The following JARID2 variants were observed in gnomAD, a reference collection of about 807,000 sequenced individuals.
JARID2 encodes protein Jumonji.
In JARID2, 21 loss-of-function variants were observed where a neutral mutation model predicts 125.6. The ratio of observed to expected loss-of-function variants is 0.17; its 90% CI spans 0.12 to 0.24. The LOEUF (loss-of-function observed/expected upper bound fraction) is 0.24, where lower values mean the gene tolerates loss of function less well. JARID2 is among the 10% of genes least tolerant of loss of function. The pLI is 1.00. For synonymous variants in JARID2, 736 were observed against 661.6 expected (o/e 1.11, Z -1.73); for missense variants, 1,303 against 1,639.6 (o/e 0.79, Z 3.55).
chr6:15,416,687 G>GGA (rs1766238777), intron 3 of JARID2, among the ~76,000 whole-genome samples: 1 of 140,790 alleles, frequency 7.1e-6, no homozygotes, highest in Non-Finnish European at 1.5e-5. Context: ...GGAAAGAGAG[G>GGA]GAGAGGGAGA....
chr6:15,487,429 G>C lies in JARID2; in HGVS notation c.793G>C (p.Ala265Pro), dbSNP rs768346575. The C allele has an allele frequency of 6.2e-6, 10 of 1,614,126 alleles. No homozygotes were observed. In the Admixed American group the frequency reaches 1.2e-4, roughly 19 times the overall value. Residue 265 changes from alanine (A) to proline (P), a missense_variant, in exon 6 of 18, where the codon GCT becomes CCT. Around this residue, in one of 11 missense-constraint regions of JARID2, gnomAD observed 651 missense variants for 581.6 expected, o/e 1.12. Transcript: ENST00000341776. ...DHRADSRREQ[A>P]SANHPAAAPS... ...CCGGGCTGACAGCCGCCGGGAGCAG[G>C]CTTCAGCTAACCACCCCGCAGCGGC...
At chr6:15,422,539 G>C (rs529365842) in intron 3 of JARID2, among the ~76,000 whole-genome samples, 3 of 152,188 alleles carry the variant, frequency 2.0e-5, no homozygotes, top group Non-Finnish European at 4.4e-5. Flanking sequence ...GGCTGCACAT[G>C]CTGCTCATCG....
At chr6:15,361,251 T>G (rs552793399) in intron 1 of JARID2, among the ~76,000 whole-genome samples, 25 of 152,280 alleles carry the variant, frequency 1.6e-4, no homozygotes, top group African/African-American at 4.6e-4. Context: ...ACCCTGGTCC[T>G]CATCTCTTGT....
At chr6:15,255,650 C>T (rs1011609304) in intron 1 of JARID2, among the ~76,000 whole-genome samples, 10 of 152,072 alleles carry the variant, frequency 6.6e-5, no homozygotes, top group South Asian at 2.1e-4. Flanking sequence ...GGTTCTCTCT[C>T]GGTTTCAGCC....
chr6:15,298,418 G>T (rs1489586775), intron 1 of JARID2, among the ~76,000 whole-genome samples: 2 of 152,072 alleles, frequency 1.3e-5, no homozygotes, highest in South Asian at 2.1e-4. Flanking sequence ...GGGCTCGGTG[G>T]TTCACGCCTG....
intron 3 of JARID2, among the ~76,000 whole-genome samples, chr6:15,419,459 C>A (rs1045166612): frequency 1.3e-5 from 2 of 152,098 alleles, no homozygotes; most frequent in African/African-American, 4.8e-5. Context: ...ATTTTTGTTT[C>A]TAGTATCATT....
chr6:15,252,239 C>T (rs1410401840), intron 1 of JARID2, among the ~76,000 whole-genome samples: 2 of 152,076 alleles, frequency 1.3e-5, no homozygotes, highest in East Asian at 1.9e-4. Flanking sequence ...AGACCCATGG[C>T]CTCATATCAA....
intron 2 of JARID2, among the ~76,000 whole-genome samples, chr6:15,387,907 C>G (rs1011886097): frequency 2.6e-5 from 4 of 152,126 alleles, no homozygotes; most frequent in African/African-American, 9.7e-5. Context: ...ATCTGTTTAA[C>G]AGTAATTCAT....
At chr6:15,282,473 T>A (rs1286906200) in intron 1 of JARID2, among the ~76,000 whole-genome samples, 2 of 152,204 alleles carry the variant, frequency 1.3e-5, no homozygotes, top group Non-Finnish European at 2.9e-5. Flanking sequence ...TTTTTTTTCT[T>A]CATAACTTTT....
chr6:15,259,238 C>CA (rs1759782243), intron 1 of JARID2, among the ~76,000 whole-genome samples: 6 of 152,232 alleles, frequency 3.9e-5, no homozygotes. Context: ...TGGAACCTAA[C>CA]ACTTGGTTTT....
chr6:15,316,329 C>T (rs973007682), intron 1 of JARID2, among the ~76,000 whole-genome samples: 1 of 152,098 alleles, frequency 6.6e-6, no homozygotes, highest in Admixed American at 6.6e-5. Flanking sequence ...TCCACCTCGG[C>T]CACCCAAAGT....
chr6:15,291,133 C>T (rs1362258271), intron 1 of JARID2, among the ~76,000 whole-genome samples: 3 of 152,032 alleles, frequency 2.0e-5, no homozygotes, highest in Non-Finnish European at 4.4e-5. Context: ...TTACTCAGGA[C>T]GTTGCGGTGG....
chr6:15,337,298 C>A (rs1299980689), intron 1 of JARID2, among the ~76,000 whole-genome samples: 3 of 152,202 alleles, frequency 2.0e-5, no homozygotes, highest in Non-Finnish European at 2.9e-5. Flanking sequence ...GTAAAATGAG[C>A]ATTAGGCTCA....
At chr6:15,284,801 C>A (rs954576082) in intron 1 of JARID2, among the ~76,000 whole-genome samples, 1 of 152,000 alleles carries the variant, frequency 6.6e-6, no homozygotes, top group African/African-American at 2.4e-5. Flanking sequence ...TATAATCCTT[C>A]ATAAGAAAGG....
intron 2 of JARID2, among the ~76,000 whole-genome samples, chr6:15,397,399 C>T (rs921535286): frequency 2.0e-5 from 3 of 152,152 alleles, no homozygotes; most frequent in African/African-American, 2.4e-5. Context: ...TTCTATCATA[C>T]GACAATCCAC....
intron 3 of JARID2, among the ~76,000 whole-genome samples, chr6:15,438,747 G>A (rs1233712179): frequency 6.6e-6 from 1 of 152,104 alleles, no homozygotes; most frequent in Non-Finnish European, 1.5e-5. Context: ...CCCTTACTGT[G>A]GCCATGCTCG....
At chr6:15,509,778 G>T (rs528632327) in intron 12 of JARID2, among the ~76,000 whole-genome samples, 2 of 152,304 alleles carry the variant, frequency 1.3e-5, no homozygotes, top group Admixed American at 1.3e-4. Context: ...TTTGCTTATG[G>T]CTTGACGTTG....
chr6:15,357,313 CAAATA>C (rs1763636737), intron 1 of JARID2, among the ~76,000 whole-genome samples: 1 of 152,186 alleles, frequency 6.6e-6, no homozygotes, highest in Non-Finnish European at 1.5e-5. Context: ...AACTTTGGAT[CAAATA>C]AAATACAGTA....
At position 15,520,553 on chromosome 6, in the gene JARID2, G is replaced by GT; in HGVS notation, c.*302_*303insT. On this transcript the variant is annotated 3_prime_UTR_variant, in exon 18 of 18. Transcript: ENST00000341776. ...GACAAAAGCCTTTTTTTTTGGTTTT[G>GT]ATTTTTTTTTTTTTGTAACTGTTGG... The GT allele has an allele frequency of 3.2e-6, 1 of 308,074 alleles. No homozygotes were observed. Among genetic ancestry groups the GT allele is most frequent in the Non-Finnish European group, 6.2e-6 (1 of 160,384 alleles). 19.1% of individuals were successfully genotyped at this position (308,074 alleles called of 1,614,324 possible).
Sources: allele counts gnomAD v4.1 joint callset (sites outside exome capture counted in the v4.1 genomes callset), GRCh38; gene constraint gnomAD v4.1.1; regional missense constraint gnomAD v4.1.1; transcripts MANE v1.5; gene names NCBI Gene and HGNC (gene_info 2026-07-23, HGNC 2026-07-21).